CAGE1: variants seen among roughly 807,000 people sequenced by gnomAD.
The protein encoded by CAGE1 is cancer antigen 1, also known as cancer-associated gene 1 protein.
Under a neutral mutation model 94.9 loss-of-function variants are expected in CAGE1, and 66 were observed. The ratio of observed to expected loss-of-function variants is 0.70; its 90% CI spans 0.57 to 0.85. The LOEUF is 0.85. Among genes scored for constraint, CAGE1 ranks in the 40% least tolerant of loss-of-function variants. The pLI is 0.00. For synonymous variants in CAGE1, 319 were observed against 321.0 expected, an observed-to-expected ratio of 0.99 and a Z score of 0.07; for missense variants, 865 against 950.4, an observed-to-expected ratio of 0.91 and a Z score of 1.18.
chr6:7,365,276 ATATTT>A, intron 9 of CAGE1, among the ~76,000 whole-genome samples, 187 bp downstream of exon 9: 1 of 152,344 alleles, frequency 6.6e-6, no homozygotes, highest in African/African-American at 2.4e-5. Flanking sequence ...AGGTAGGACA[ATATTT>A]AAAATTTCAA....
At chr6:7,351,577 A>AG (rs1208691108) in intron 11 of CAGE1, among the ~76,000 whole-genome samples, 2 of 150,472 alleles carry the variant, frequency 1.3e-5, no homozygotes, top group African/African-American at 4.9e-5. Flanking sequence ...GGAATAGAAA[A>AG]AAAAAAAAAA....
intron 5 of CAGE1, among the ~76,000 whole-genome samples, chr6:7,372,396 G>A (rs1204472726): frequency 6.6e-6 from 1 of 151,656 alleles, no homozygotes; most frequent in Non-Finnish European, 1.5e-5. Context: ...ACTTAAACCT[G>A]GGAGGCAGAG....
chr6:7,345,558 T>A (rs188181312), intron 11 of CAGE1, among the ~76,000 whole-genome samples: 1 of 152,352 alleles, frequency 6.6e-6, no homozygotes, highest in African/African-American at 2.4e-5. Flanking sequence ...TAGTTTTCTT[T>A]CAGCCTTTTA....
chr6:7,380,890 C>T (rs1199045792), intron 3 of CAGE1, among the ~76,000 whole-genome samples: 1 of 152,152 alleles, frequency 6.6e-6, no homozygotes, highest in Non-Finnish European at 1.5e-5. Flanking sequence ...ATAGAAAATA[C>T]ATATCTTCAA....
chr6:7,354,491 A>G (rs890478790), intron 11 of CAGE1, among the ~76,000 whole-genome samples: 3 of 152,194 alleles, frequency 2.0e-5, no homozygotes, highest in African/African-American at 7.2e-5. Context: ...CTATAAAATT[A>G]GACCTTTTGT....
chr6:7,343,358 A>G (rs2714318), intron 11 of CAGE1, among the ~76,000 whole-genome samples: 85,659 of 152,018 alleles, frequency 0.56, 26,704 homozygotes, highest in African/African-American at 0.84. Flanking sequence ...CTTATTCTCT[A>G]TGATCAAGGT....
Position 7,378,705 on chromosome 6 carries a change from A to C in CAGE1, c.599T>G (p.Met200Arg). The C allele has an allele frequency of 1.2e-6, 2 of 1,613,504 alleles. No homozygotes were observed. Among genetic ancestry groups the C allele is most frequent in the South Asian group, 1.1e-5 (1 of 90,902 alleles). ...SPPLIHCSGE[M>R]LKFTEKSLAK... is the part of the protein sequence containing the mutation. ...CAGTGACTTTTCTGTAAATTTCAGC[A>C]TCTCTCCACTGCAGTGGATTAGAGG... The change falls in exon 4 of 14, where the codon ATG becomes AGG. Residue 200 changes from methionine to arginine, a missense_variant. Met to Arg is a moderately conservative substitution (Grantham distance 91). Transcript: ENST00000502583.
chr6:7,345,732 C>T (rs1017853393), intron 11 of CAGE1, among the ~76,000 whole-genome samples: 4 of 151,828 alleles, frequency 2.6e-5, no homozygotes, highest in African/African-American at 9.7e-5. Flanking sequence ...TTGAGACCAT[C>T]CTGGCTGACT....
intron 11 of CAGE1, among the ~76,000 whole-genome samples, chr6:7,352,113 T>C (rs963168883): frequency 3.3e-5 from 5 of 152,094 alleles, no homozygotes; most frequent in Non-Finnish European, 5.9e-5. Context: ...GCTGAAGACA[T>C]GATCATTTAT....
Position 7,387,139 on chromosome 6 carries a change from G to A in CAGE1, c.35C>T (p.Pro12Leu), listed in dbSNP as rs1761148895. 4 of 1,551,142 alleles carry A rather than the reference G, an allele frequency of 2.6e-6. No homozygotes were observed. The highest frequency in any genetic ancestry group is 2.7e-5 in the African/African-American group (2 of 72,968). Residue 12 changes from proline to leucine, a missense_variant, in exon 2 of 14, where the codon CCT becomes CTT. By Grantham distance (98) the Pro-to-Leu change is moderately conservative. Transcript: ENST00000502583. Reference sequence around the variant, plus strand: ...CACTTCAAAATGTACAGGATCTGAAGGTGATGACCAAAATTTTTGATAGTC... The same window carrying A: ...CACTTCAAAATGTACAGGATCTGAAAGTGATGACCAAAATTTTTGATAGTC... ...NKDYQKFWSS[P>L]SDPVHFEVDT...
At chr6:7,377,479 A>T (rs949669191) in intron 4 of CAGE1, among the ~76,000 whole-genome samples, 1 of 152,146 alleles carries the variant, frequency 6.6e-6, no homozygotes, top group African/African-American at 2.4e-5. Context: ...GTGGTAGCTC[A>T]CACCTGTAAT....
At chr6:7,338,629 G>C (rs757809811) in intron 11 of CAGE1, among the ~76,000 whole-genome samples, 3 of 152,036 alleles carry the variant, frequency 2.0e-5, no homozygotes, top group Non-Finnish European at 4.4e-5. Context: ...TTAGAACATG[G>C]ATTTGCCATT....
intron 3 of CAGE1, among the ~76,000 whole-genome samples, chr6:7,385,114 T>A (rs528341904): frequency 3.7e-4 from 56 of 152,258 alleles, no homozygotes; most frequent in African/African-American, 1.3e-3. Context: ...CAAGGGAGTC[T>A]CCTGCCTAAG....
chr6:7,339,264 G>C lies in CAGE1; in HGVS notation c.2370-5174C>G. 6.3e-7 allele frequency: 1 copy of C among 1,584,858 alleles called. No individual in the cohort carries two copies. The highest frequency in any genetic ancestry group is 8.7e-7 in the Non-Finnish European group (1 of 1,154,510). ...TAGGAGTTTGTAAGGCAGAGACTCT[G>C]CCTGGGCAATGGCACACAGACCCCT... On this transcript the variant is annotated intron_variant, in intron 11 of 13. Coordinates refer to ENST00000502583, the MANE Select transcript of CAGE1 (RefSeq NM_001170692.2). The surrounding 1 kb of genome is among the most constrained non-coding windows in gnomAD (Gnocchi z 4.7).
chr6:7,385,749 C>T, intron 3 of CAGE1, 36 bp downstream of exon 3: 2 of 1,342,816 alleles, frequency 1.5e-6, no homozygotes, highest in Non-Finnish European at 2.0e-6. Context: ...AAAAAAGTTT[C>T]TCTCTTTTGC....
chr6:7,336,859 T>C (rs1449849346), intron 11 of CAGE1, among the ~76,000 whole-genome samples: 2 of 152,226 alleles, frequency 1.3e-5, no homozygotes, highest in African/African-American at 2.4e-5. Flanking sequence ...ACTTTCTTGG[T>C]AGAATCTCTA....
chr6:7,365,976 T>C (rs1760318759), intron 7 of CAGE1, 92 bp from the exon 8 acceptor site: 12 of 760,934 alleles, frequency 1.6e-5, no homozygotes, highest in Non-Finnish European at 1.2e-5. Flanking sequence ...CCGGGCGTAG[T>C]GGCTCATGCC....
intron 11 of CAGE1, chr6:7,341,505 G>T: frequency 8.1e-7 from 1 of 1,227,020 alleles, no homozygotes; most frequent in Non-Finnish European, 1.2e-6. Flanking sequence ...CTGAGGAGTA[G>T]ATGTCACCCA....
Position 7,381,536 on chromosome 6 carries a change from C to CTT in CAGE1, c.284-2518_284-2517dup, listed in dbSNP as rs35581180. Among the ~76,000 whole-genome samples, 218 of 143,020 alleles carry CTT rather than the reference C, an allele frequency of 1.5e-3. 6 individuals are homozygous for CTT. The South Asian group carries it at 0.021, about 14-fold the overall frequency. The allele number at this position is 143,020 out of a possible 152,430, so 93.8% of individuals were successfully genotyped here. A position where few individuals can be genotyped will look rare whatever the true frequency, so the allele number is the denominator to read the frequency against. ...CTTTGCCTGTTTTTCTATTACGTGC[C>CTT]TTTTTTTTTTTTTTGAGACAGAGTC... On this transcript the variant is annotated intron_variant, in intron 3 of 13. Transcript: ENST00000502583.
Sources: gnomAD v4.1 joint callset for allele counts (sites outside exome capture counted in the v4.1 genomes callset) on GRCh38, gnomAD v4.1.1 for gene constraint, Gnocchi (gnomAD v3.1) non-coding constraint, MANE v1.5 for transcripts, NCBI Gene and HGNC (gene_info 2026-07-23, HGNC 2026-07-21) for gene names.